PLXDC2: variants seen among roughly 807,000 people sequenced by gnomAD.
PLXDC2 encodes plexin domain containing 2.
In PLXDC2, 40 loss-of-function variants were observed where a neutral mutation model predicts 68.9. The observed-to-expected ratio is 0.58, with a 90% CI of 0.45 to 0.76. The LOEUF is 0.76. Among genes scored for constraint, PLXDC2 ranks in the 30% least tolerant of loss-of-function variants. The probability of loss-of-function intolerance (pLI) is 0.00; values close to 1 mark genes in which losing one functional copy is unlikely to be tolerated. For missense variants in PLXDC2, 644 were observed against 661.9 expected (o/e 0.97, Z 0.30); for synonymous variants, 243 against 234.2 (o/e 1.04, Z -0.34).
At chr10:19,854,007 C>T (rs1182469850) in intron 1 of PLXDC2, among the ~76,000 whole-genome samples, 1 of 152,160 alleles carries the variant, frequency 6.6e-6, no homozygotes, top group Non-Finnish European at 1.5e-5. Context: ...TGTTGTGACT[C>T]CCACTGTGGT....
chr10:20,190,296 T>C (rs1834746982), intron 9 of PLXDC2, among the ~76,000 whole-genome samples: 2 of 152,064 alleles, frequency 1.3e-5, no homozygotes, highest in African/African-American at 4.8e-5. Context: ...TTAGCTTGCT[T>C]GCACTAATAA....
At chr10:20,250,083 C>T (rs1473336425) in intron 13 of PLXDC2, among the ~76,000 whole-genome samples, 1 of 152,052 alleles carries the variant, frequency 6.6e-6, no homozygotes, top group Non-Finnish European at 1.5e-5. Flanking sequence ...GTTTGACCAA[C>T]ATGGTGAAAC....
At chr10:20,087,190 G>A (rs752956827) in intron 4 of PLXDC2, among the ~76,000 whole-genome samples, 1 of 152,156 alleles carries the variant, frequency 6.6e-6, no homozygotes, top group Non-Finnish European at 1.5e-5. Context: ...TTGTAGCAAG[G>A]CTAGGCAGGT....
chr10:19,964,203 C>A (rs1834209402), intron 1 of PLXDC2, among the ~76,000 whole-genome samples: 1 of 152,192 alleles, frequency 6.6e-6, no homozygotes, highest in Non-Finnish European at 1.5e-5. Context: ...CCAGACCACA[C>A]TGAAATGGAT....
At chr10:19,880,723 A>G (rs1479051722) in intron 1 of PLXDC2, among the ~76,000 whole-genome samples, 2 of 152,130 alleles carry the variant, frequency 1.3e-5, no homozygotes, top group African/African-American at 2.4e-5. Context: ...CACTTTCATT[A>G]TTCTTTTTCC....
At chr10:19,838,930 A>G (rs1836850354) in intron 1 of PLXDC2, among the ~76,000 whole-genome samples, 2 of 152,112 alleles carry the variant, frequency 1.3e-5, no homozygotes, top group African/African-American at 4.8e-5. Context: ...TCATGCCTAT[A>G]ATTCCAGCAT....
chr10:19,925,911 G>T (rs910737210), intron 1 of PLXDC2, among the ~76,000 whole-genome samples: 1 of 152,180 alleles, frequency 6.6e-6, no homozygotes, highest in Non-Finnish European at 1.5e-5. Flanking sequence ...TTTTGTACCG[G>T]GGTTGATCGT....
chr10:20,280,634 C>G lies in PLXDC2; in HGVS notation c.*815C>G, dbSNP rs970578403. ...TTTATGGAAGCCTTACCTCCAATCCCCAACTGTTAAGTCCCATGAAACCAC... is the reference window on the plus strand; with the variant it reads ...TTTATGGAAGCCTTACCTCCAATCCGCAACTGTTAAGTCCCATGAAACCAC... On this transcript the variant is annotated 3_prime_UTR_variant, in exon 14 of 14. Transcript: ENST00000377252. 6.6e-6 allele frequency: 1 copy of G among 152,052 alleles called. No individual in the cohort carries two copies. Among genetic ancestry groups the G allele is most frequent in the Non-Finnish European group, 1.5e-5 (1 of 68,016 alleles). The allele number at this position is 152,052 out of a possible 1,614,324, so 9.4% of individuals were successfully genotyped here.
chr10:19,929,938 C>T (rs1178052522), intron 1 of PLXDC2, among the ~76,000 whole-genome samples: 7 of 152,210 alleles, frequency 4.6e-5, no homozygotes, highest in Non-Finnish European at 1.0e-4. Flanking sequence ...TTTCCTTGGT[C>T]TGCTTGCACA....
At chr10:20,226,543 A>G (rs1291702101) in intron 12 of PLXDC2, among the ~76,000 whole-genome samples, 1 of 152,224 alleles carries the variant, frequency 6.6e-6, no homozygotes, top group Non-Finnish European at 1.5e-5. Context: ...TTCGTTGTTC[A>G]GCCTAATAGT....
chr10:20,204,704 A>G (rs1026931884), intron 9 of PLXDC2, among the ~76,000 whole-genome samples: 1 of 152,206 alleles, frequency 6.6e-6, no homozygotes, highest in Admixed American at 6.6e-5. Context: ...CTGGTTTTAT[A>G]AAGTTTGACT....
At chr10:19,925,544 T>C (rs1256909365) in intron 1 of PLXDC2, among the ~76,000 whole-genome samples, 3 of 152,244 alleles carry the variant, frequency 2.0e-5, no homozygotes, top group African/African-American at 7.2e-5. Context: ...GCTGATTGAA[T>C]CACTTTCTCA....
chr10:20,044,463 T>A (rs938131077), intron 2 of PLXDC2, among the ~76,000 whole-genome samples: 2 of 151,536 alleles, frequency 1.3e-5, no homozygotes, highest in African/African-American at 2.4e-5. Context: ...GCATCTGCCA[T>A]CACGCCTGGC....
intron 13 of PLXDC2, among the ~76,000 whole-genome samples, chr10:20,269,214 A>G (rs1360383395): frequency 6.6e-6 from 1 of 152,184 alleles, no homozygotes; most frequent in East Asian, 1.9e-4. Flanking sequence ...TTTATTCTCA[A>G]AAGTGTCCTG....
At chr10:19,896,886 C>G (rs185667178) in intron 1 of PLXDC2, among the ~76,000 whole-genome samples, 126 of 152,276 alleles carry the variant, frequency 8.3e-4, no homozygotes, top group Middle Eastern at 3.4e-3. Context: ...TCTCACAAAT[C>G]CCAAAATGTA....
chr10:19,878,488 C>G (rs774520344), intron 1 of PLXDC2, among the ~76,000 whole-genome samples: 49 of 152,254 alleles, frequency 3.2e-4, no homozygotes, highest in South Asian at 2.1e-4. Context: ...GATCTTGAGT[C>G]TAGCTGAAGT....
chr10:19,998,811 G>GAA (rs5783714), intron 1 of PLXDC2, among the ~76,000 whole-genome samples: 3 of 151,158 alleles, frequency 2.0e-5, no homozygotes, highest in African/African-American at 4.9e-5. Flanking sequence ...AACAGTGGGG[G>GAA]AAAAAAAAAA....
At chr10:19,970,356 CAGTT>C (rs374386979) in intron 1 of PLXDC2, among the ~76,000 whole-genome samples, 31 of 152,274 alleles carry the variant, frequency 2.0e-4, no homozygotes, top group East Asian at 1.4e-3. Flanking sequence ...AGTTTAAAAA[CAGTT>C]AGCCCCTTGA....
chr10:19,837,407 AGAGTGTGT>A (rs779879972), intron 1 of PLXDC2, among the ~76,000 whole-genome samples: 1,134 of 87,544 alleles, frequency 0.013, 6 homozygotes, highest in African/African-American at 0.038. Context: ...AGAGAGAGAG[AGAGTGTGT>A]GTGTGTGTGT....
Sources: allele counts gnomAD v4.1 joint callset (sites outside exome capture counted in the v4.1 genomes callset), GRCh38; gene constraint gnomAD v4.1.1; transcripts MANE v1.5; gene names NCBI Gene and HGNC (gene_info 2026-07-23, HGNC 2026-07-21).